NTN4: variants seen among roughly 807,000 people sequenced by gnomAD.
NTN4 encodes the protein netrin-4.
NTN4 carries 32 observed loss-of-function variants against 73.6 expected under a neutral mutation model. That is an observed-to-expected ratio of 0.44 (90% CI 0.33 to 0.58). NTN4 has a LOEUF of 0.58. Ranked by LOEUF, NTN4 falls within the 20% of genes least tolerant of loss-of-function variation. NTN4 has a pLI of 0.04. For synonymous variants in NTN4, 258 were observed against 287.5 expected (o/e 0.90, Z 1.04); for missense variants, 654 against 798.3 (o/e 0.82, Z 2.18).
At chr12:95,777,900 G>C (rs1182930945) in intron 2 of NTN4, among the ~76,000 whole-genome samples, 1 of 80,944 alleles carries the variant, frequency 1.2e-5, no homozygotes, top group Non-Finnish European at 2.6e-5. Context: ...TTCCAAAATT[G>C]ACCACATAGC....
intron 3 of NTN4, among the ~76,000 whole-genome samples, chr12:95,720,533 A>AT (rs976804374): frequency 1.9e-4 from 29 of 151,518 alleles, no homozygotes; most frequent in East Asian, 3.9e-4. Flanking sequence ...ATAAACGTGT[A>AT]TTTTTTTTTC....
At chr12:95,660,639 T>C (rs2078130457) in intron 9 of NTN4, among the ~76,000 whole-genome samples, 1 of 152,180 alleles carries the variant, frequency 6.6e-6, no homozygotes, top group Admixed American at 6.5e-5. Context: ...TGTAATAACG[T>C]AGATTTTGGT....
chr12:95,708,156 A>G (rs1325294712), intron 5 of NTN4, among the ~76,000 whole-genome samples: 1 of 152,138 alleles, frequency 6.6e-6, no homozygotes, highest in Non-Finnish European at 1.5e-5. Context: ...TTTTTGATCA[A>G]TAAAGAGTAG....
chr12:95,712,332 G>GA lies in NTN4; in HGVS notation c.991+879dup, dbSNP rs559084082. ...TCTTTCATTTCAAGCATCATAAAGT[G>GA]AAAAAAAAAGGCAATGTGGTATTAT... On this transcript the variant is annotated intron_variant, in intron 4 of 9. Coordinates refer to ENST00000343702, the MANE Select transcript of NTN4 (RefSeq NM_021229.4). Among the ~76,000 whole-genome samples, 96 of 149,564 alleles carry GA rather than the reference G, an allele frequency of 6.4e-4. No homozygotes were observed. In the Middle Eastern group the frequency reaches 0.014, roughly 21 times the overall value.
intron 4 of NTN4, among the ~76,000 whole-genome samples, chr12:95,711,502 A>T (rs1363504597): frequency 6.6e-6 from 1 of 152,206 alleles, no homozygotes; most frequent in Non-Finnish European, 1.5e-5. Context: ...TGTAGGCATG[A>T]ATTCATGCTT....
intron 7 of NTN4, among the ~76,000 whole-genome samples, chr12:95,677,495 A>C (rs190779133): frequency 6.6e-6 from 1 of 152,352 alleles, no homozygotes; most frequent in East Asian, 1.9e-4. Context: ...ACAATGCAAT[A>C]CATTAAATTA....
At chr12:95,687,382 A>G (rs969186441) in intron 5 of NTN4, among the ~76,000 whole-genome samples, 9 of 149,814 alleles carry the variant, frequency 6.0e-5, no homozygotes, top group African/African-American at 2.2e-4. Flanking sequence ...TGGTGAAAAA[A>G]AATTTTTTTT....
chr12:95,702,858 G>GA (rs1555215983), intron 5 of NTN4, among the ~76,000 whole-genome samples: 1 of 123,706 alleles, frequency 8.1e-6, no homozygotes, highest in African/African-American at 2.9e-5. Flanking sequence ...TTTTTTTTTG[G>GA]TTTTTTTTTT....
chr12:95,662,426 T>TC (rs2078146052), intron 9 of NTN4, among the ~76,000 whole-genome samples: 1 of 151,962 alleles, frequency 6.6e-6, no homozygotes, highest in Non-Finnish European at 1.5e-5. Context: ...AGATGGGGTT[T>TC]CACCATGTTG....
intron 2 of NTN4, among the ~76,000 whole-genome samples, chr12:95,774,619 A>G (rs1202171655): frequency 2.0e-5 from 3 of 152,228 alleles, no homozygotes; most frequent in Non-Finnish European, 4.4e-5. Flanking sequence ...CATATCATAA[A>G]TGTAAATGCC....
chr12:95,774,859 T>C (rs1394975879), intron 2 of NTN4, among the ~76,000 whole-genome samples: 1 of 152,118 alleles, frequency 6.6e-6, no homozygotes, highest in Non-Finnish European at 1.5e-5. Context: ...ACCCAGTAGG[T>C]TGTAAGGAGT....
intron 3 of NTN4, among the ~76,000 whole-genome samples, chr12:95,736,186 G>A (rs546270929): frequency 9.9e-5 from 15 of 152,170 alleles, no homozygotes; most frequent in East Asian, 7.7e-4. Context: ...TGATCCACCC[G>A]CCTTGGCCTC....
Position 95,762,635 on chromosome 12 carries a change from G to A in NTN4, c.585+24304C>T, listed in dbSNP as rs61742807. On this transcript the variant is annotated intron_variant, in intron 2 of 9. Transcript: ENST00000343702. Reference sequence around the variant, plus strand: ...CTGTGTCCTACATGTACTGAAGTACGAGCAGTGCAACTGAAAGAGAGGTGA... The same window carrying A: ...CTGTGTCCTACATGTACTGAAGTACAAGCAGTGCAACTGAAAGAGAGGTGA... Among the ~76,000 whole-genome samples the A allele has an allele frequency of 7.0e-3, 1,065 of 152,298 alleles. 20 individuals carry two copies. Among genetic ancestry groups the A allele is most frequent in the African/African-American group, 0.025 (1,031 of 41,556 alleles).
At chr12:95,716,218 G>A (rs1367029799) in intron 3 of NTN4, among the ~76,000 whole-genome samples, 1 of 152,128 alleles carries the variant, frequency 6.6e-6, no homozygotes, top group African/African-American at 2.4e-5. Context: ...GTTAAGGGGT[G>A]TAAAGTAAAT....
At position 95,775,979 on chromosome 12, in the gene NTN4, C is replaced by T. The variant is rs146027303; in HGVS notation, c.585+10960G>A. Among the ~76,000 whole-genome samples the T allele has an allele frequency of 4.9e-3, 744 of 152,316 alleles. 10 individuals are homozygous for T. The highest frequency in any genetic ancestry group is 0.017 in the African/African-American group (723 of 41,558). ...GAGACAAAACTTCCAGAGGAACGAT[C>T]GGGCAGCAACATTTGCTGTTCAGCA... On this transcript the variant is annotated intron_variant, in intron 2 of 9. Transcript: ENST00000343702.
chr12:95,769,272 G>A (rs2079039859), intron 2 of NTN4, among the ~76,000 whole-genome samples: 1 of 152,094 alleles, frequency 6.6e-6, no homozygotes, highest in African/African-American at 2.4e-5. Context: ...AGGACAGGGG[G>A]CAGTGGAATT....
chr12:95,683,554 A>G lies in NTN4; in HGVS notation c.1338T>C (p.Cys446=), dbSNP rs200361505. 9.9e-6 allele frequency: 16 copies of G among 1,614,062 alleles called. No homozygotes were observed. Among genetic ancestry groups the G allele is most frequent in the Non-Finnish European group, 1.4e-5 (16 of 1,180,030 alleles). ...VGYWGFGDYG[C]RPCDCAGSCD... ...AGCTCCCCGCACAGTCACATGGTCG[A>G]CAGCCATAGTCTCCGAAGCCCCAGT... The change falls in exon 6 of 10, where the codon TGT becomes TGC. Residue 446 remains cysteine, a synonymous_variant. Coordinates refer to ENST00000343702, the MANE Select transcript of NTN4 (RefSeq NM_021229.4).
Position 95,710,640 on chromosome 12 carries a change from G to C in NTN4, c.992-11C>G, listed in dbSNP as rs369308936. On this transcript the variant is annotated splice_polypyrimidine_tract_variant and intron_variant, in intron 4 of 9. Coordinates refer to ENST00000343702, the MANE Select transcript of NTN4 (RefSeq NM_021229.4). ...CATTACACTTGCAGGCTGGAAATAA[G>C]AAGCGTGGAGAGAAACACTAATAAG... 1.9e-6 allele frequency: 3 copies of C among 1,608,240 alleles called. No individual in the cohort carries two copies. The highest frequency in any genetic ancestry group is 1.7e-6 in the Non-Finnish European group (2 of 1,176,332).
At chr12:95,680,210 T>C (rs2078305206) in intron 7 of NTN4, among the ~76,000 whole-genome samples, 1 of 152,254 alleles carries the variant, frequency 6.6e-6, no homozygotes, top group Non-Finnish European at 1.5e-5. Flanking sequence ...AATGTTTTGT[T>C]CACTTTATTT....
Sources: gnomAD v4.1 joint callset for allele counts (sites outside exome capture counted in the v4.1 genomes callset) on GRCh38, gnomAD v4.1.1 for gene constraint, MANE v1.5 for transcripts, NCBI Gene and HGNC (gene_info 2026-07-23, HGNC 2026-07-21) for gene names.